Variants in RNGTT observed in about 807,000 individuals in gnomAD.
The protein encoded by RNGTT is mRNA-capping enzyme.
A neutral mutation model predicts 79.3 loss-of-function variants in RNGTT; 33 were observed. The observed-to-expected ratio is 0.42, with a 90% CI of 0.32 to 0.56. The LOEUF is 0.56. Ranked by LOEUF, RNGTT falls within the 20% of genes least tolerant of loss-of-function variation. RNGTT has a pLI of 0.17. For synonymous variants in RNGTT, 222 were observed against 235.9 expected (o/e 0.94, Z 0.54); for missense variants, 497 against 739.1 (o/e 0.67, Z 3.80).
intron 8 of RNGTT, among the ~76,000 whole-genome samples, chr6:88,865,198 G>C (rs1410125869): frequency 6.6e-6 from 1 of 152,022 alleles, no homozygotes; most frequent in Non-Finnish European, 1.5e-5. Context: ...ATCAGCTATT[G>C]TTATTATGTC....
chr6:88,905,337 AG>A (rs1783617838), intron 5 of RNGTT, among the ~76,000 whole-genome samples: 1 of 152,222 alleles, frequency 6.6e-6, no homozygotes, highest in Non-Finnish European at 1.5e-5. Flanking sequence ...CAACAGATCC[AG>A]GCACTAAGAG....
chr6:88,636,449 T>A (rs533709647), intron 14 of RNGTT, among the ~76,000 whole-genome samples: 34 of 152,198 alleles, frequency 2.2e-4, no homozygotes, highest in Non-Finnish European at 1.6e-4. Flanking sequence ...AGGCAGCTAG[T>A]CATGGAAGGT....
chr6:88,929,902 A>G (rs922399780), intron 2 of RNGTT, among the ~76,000 whole-genome samples: 23 of 151,148 alleles, frequency 1.5e-4, no homozygotes, highest in Middle Eastern at 3.5e-3. Flanking sequence ...ACATATGTAT[A>G]CATATGCATA....
intron 14 of RNGTT, among the ~76,000 whole-genome samples, chr6:88,620,996 T>C (rs1429190303): frequency 4.6e-5 from 7 of 152,206 alleles, no homozygotes; most frequent in Non-Finnish European, 8.8e-5. Flanking sequence ...CTTTAACACA[T>C]GCTAAGTTGT....
At chr6:88,826,623 A>C (rs1780662703) in intron 11 of RNGTT, among the ~76,000 whole-genome samples, 1 of 151,450 alleles carries the variant, frequency 6.6e-6, no homozygotes, top group African/African-American at 2.4e-5. Flanking sequence ...ATCTCTAATA[A>C]AAATACAAAA....
intron 13 of RNGTT, among the ~76,000 whole-genome samples, chr6:88,712,530 T>G (rs1776353832): frequency 6.6e-6 from 1 of 152,182 alleles, no homozygotes; most frequent in South Asian, 2.1e-4. Context: ...CAGGCTGGCC[T>G]CAAATTCCTG....
At chr6:88,719,948 CAAG>C (rs1458675305) in intron 13 of RNGTT, among the ~76,000 whole-genome samples, 3 of 152,254 alleles carry the variant, frequency 2.0e-5, no homozygotes, top group African/African-American at 7.2e-5. Context: ...TTTCATCGTC[CAAG>C]AAGTGTTGAG....
At chr6:88,814,936 A>G (rs371208761) in intron 11 of RNGTT, among the ~76,000 whole-genome samples, 27 of 152,348 alleles carry the variant, frequency 1.8e-4, no homozygotes, top group African/African-American at 6.5e-4. Context: ...GTGTTGAGGA[A>G]TTCACTTTAC....
rs146516816 is a variant in RNGTT at position 88,888,771 on chromosome 6, T to G, written c.896+1724A>C. On this transcript the variant is annotated intron_variant, in intron 8 of 15. Transcript: ENST00000369485. ...CAGGCCAGGCACGGTGGCTCACACCTGTAATCCCAGCACTTTGGGAGACCA... is the reference window on the plus strand; with the variant it reads ...CAGGCCAGGCACGGTGGCTCACACCGGTAATCCCAGCACTTTGGGAGACCA... 3.0e-3 allele frequency among the ~76,000 whole-genome samples: 460 copies of G among 152,350 alleles called. 16 individuals are homozygous for G. In the East Asian group the frequency reaches 0.08, roughly 26 times the overall value.
At chr6:88,876,808 T>A (rs1405301128) in intron 8 of RNGTT, among the ~76,000 whole-genome samples, 1 of 152,228 alleles carries the variant, frequency 6.6e-6, no homozygotes, top group Non-Finnish European at 1.5e-5. Context: ...CCTGGCCAAC[T>A]GAAAATTCTG....
intron 13 of RNGTT, among the ~76,000 whole-genome samples, chr6:88,747,109 T>C (rs985684888): frequency 1.3e-5 from 2 of 152,128 alleles, no homozygotes; most frequent in East Asian, 1.9e-4. Flanking sequence ...TAGAAAGAGA[T>C]AAAGAAAAGC....
intron 11 of RNGTT, among the ~76,000 whole-genome samples, chr6:88,812,907 T>A (rs1404999727): frequency 2.6e-5 from 4 of 152,244 alleles, no homozygotes; most frequent in Non-Finnish European, 1.5e-5. Flanking sequence ...TTTATTCAAA[T>A]ATTTACTGAG....
At chr6:88,842,199 T>A (rs1044189380) in intron 11 of RNGTT, among the ~76,000 whole-genome samples, 1 of 151,874 alleles carries the variant, frequency 6.6e-6, no homozygotes, top group South Asian at 2.1e-4. Flanking sequence ...TCCTAACACA[T>A]AACAGGCACA....
Position 88,865,154 on chromosome 6 carries a change from T to C in RNGTT, c.897-11390A>G, listed in dbSNP as rs1440077040. On this transcript the variant is annotated intron_variant, in intron 8 of 15. Coordinates refer to ENST00000369485, the MANE Select transcript of RNGTT (RefSeq NM_003800.5). Reference sequence around the variant, plus strand: ...ATTAAATGAGTTAATATATAAAAGATACTAGAACAGTGATTAATACACAGT... The same window carrying C: ...ATTAAATGAGTTAATATATAAAAGACACTAGAACAGTGATTAATACACAGT... Among the ~76,000 whole-genome samples, 3 of 152,092 alleles carry C rather than the reference T, an allele frequency of 2.0e-5. No individual in the cohort carries two copies. In the East Asian group the frequency reaches 5.8e-4, roughly 29 times the overall value.
intron 4 of RNGTT, among the ~76,000 whole-genome samples, chr6:88,916,127 A>C (rs115963879): frequency 0.016 from 2,423 of 152,300 alleles, 65 homozygotes; most frequent in African/African-American, 0.056. Flanking sequence ...GTTCCTGAGG[A>C]TGTAGAGGAA....
intron 12 of RNGTT, among the ~76,000 whole-genome samples, chr6:88,795,231 A>G (rs1173589994): frequency 1.3e-5 from 2 of 152,232 alleles, no homozygotes; most frequent in African/African-American, 2.4e-5. Context: ...TTTATACCCT[A>G]AAATACTACC....
chr6:88,827,788 G>A (rs1780720708), intron 11 of RNGTT, among the ~76,000 whole-genome samples: 1 of 152,158 alleles, frequency 6.6e-6, no homozygotes, highest in Non-Finnish European at 1.5e-5. Context: ...AGTTCCAACT[G>A]GGCAGACCCC....
intron 11 of RNGTT, among the ~76,000 whole-genome samples, chr6:88,804,075 T>C (rs932239702): frequency 2.0e-5 from 3 of 152,190 alleles, no homozygotes; most frequent in Non-Finnish European, 4.4e-5. Context: ...TGCTTGGTAC[T>C]TAACATATCA....
At chr6:88,817,554 C>T (rs1015882735) in intron 11 of RNGTT, among the ~76,000 whole-genome samples, 1 of 135,704 alleles carries the variant, frequency 7.4e-6, no homozygotes, top group African/African-American at 2.8e-5. Flanking sequence ...TAAATATACA[C>T]ACAACACATA....
Sources: gnomAD v4.1 joint callset for allele counts (sites outside exome capture counted in the v4.1 genomes callset) on GRCh38, gnomAD v4.1.1 for gene constraint, MANE v1.5 for transcripts, NCBI Gene and HGNC (gene_info 2026-07-23, HGNC 2026-07-21) for gene names.